PPP2R2B: variants seen among roughly 807,000 people sequenced by gnomAD.
The protein encoded by PPP2R2B is protein phosphatase 2 regulatory subunit Bbeta.
PPP2R2B carries 5 observed loss-of-function variants against 46.0 expected under a neutral mutation model. The ratio of observed to expected loss-of-function variants is 0.11; its 90% CI spans 0.06 to 0.23. PPP2R2B has a LOEUF of 0.23. PPP2R2B is among the 10% of genes least tolerant of loss of function. The pLI, the probability that PPP2R2B is intolerant of heterozygous loss-of-function variation, is 1.00. For missense variants in PPP2R2B, 367 were observed against 575.0 expected, an observed-to-expected ratio of 0.64 and a Z score of 3.70; for synonymous variants, 215 against 206.7, an observed-to-expected ratio of 1.04 and a Z score of -0.34.
intron 4 of PPP2R2B, among the ~76,000 whole-genome samples, chr5:146,695,895 C>T (rs114618606): frequency 1.1e-3 from 171 of 152,178 alleles, no homozygotes; most frequent in African/African-American, 4.1e-3. Flanking sequence ...AAGAAAATTA[C>T]ATAAGAACAT....
chr5:146,738,411 A>T (rs1410766248), intron 2 of PPP2R2B, among the ~76,000 whole-genome samples: 1 of 151,968 alleles, frequency 6.6e-6, no homozygotes, highest in East Asian at 1.9e-4. Flanking sequence ...AAAAAAAAAA[A>T]AAAAAATCTT....
chr5:146,635,921 C>T (rs1000983303), intron 7 of PPP2R2B, among the ~76,000 whole-genome samples: 5 of 152,224 alleles, frequency 3.3e-5, no homozygotes, highest in African/African-American at 7.2e-5. Context: ...ATTCATATCA[C>T]GTCCATGTAT....
intron 2 of PPP2R2B, among the ~76,000 whole-genome samples, chr5:146,863,167 A>G (rs1761110528): frequency 6.6e-6 from 1 of 152,168 alleles, no homozygotes; most frequent in African/African-American, 2.4e-5. Context: ...AACTGCACCC[A>G]AAACTTTCCC....
At chr5:146,609,315 C>T (rs1316212890) in intron 7 of PPP2R2B, among the ~76,000 whole-genome samples, 2 of 152,204 alleles carry the variant, frequency 1.3e-5, no homozygotes, top group Non-Finnish European at 2.9e-5. Context: ...CCCACTGTCA[C>T]CACTGTTGCT....
At chr5:147,077,719 C>T (rs1757832082) in intron 2 of PPP2R2B, among the ~76,000 whole-genome samples, 1 of 152,036 alleles carries the variant, frequency 6.6e-6, no homozygotes, top group South Asian at 2.1e-4. Context: ...TGTTTGTGAC[C>T]AACCTAATTC....
chr5:146,989,524 A>G (rs1753590500), intron 1 of PPP2R2B, among the ~76,000 whole-genome samples: 1 of 152,122 alleles, frequency 6.6e-6, no homozygotes, highest in African/African-American at 2.4e-5. Context: ...TAGATGCTGA[A>G]AAAGCCTTCA....
At chr5:146,698,314 AAAAATAT>A (rs1368844270) in intron 3 of PPP2R2B, among the ~76,000 whole-genome samples, 170 bp from the exon 4 acceptor site, 8 of 88,774 alleles carry the variant, frequency 9.0e-5, no homozygotes, top group African/African-American at 3.7e-4. Context: ...AAAAAAAAAA[AAAAATAT>A]ATATATATAT....
chr5:146,979,758 A>G (rs1266314138), intron 1 of PPP2R2B, among the ~76,000 whole-genome samples: 2 of 152,208 alleles, frequency 1.3e-5, no homozygotes. Context: ...AGGCATAGTC[A>G]GAGATTAACA....
At chr5:146,757,589 A>G (rs1166846138) in intron 2 of PPP2R2B, among the ~76,000 whole-genome samples, 1 of 152,192 alleles carries the variant, frequency 6.6e-6, no homozygotes, top group African/African-American at 2.4e-5. Context: ...AGATGGCCTC[A>G]CTAGTTGCTA....
chr5:146,877,652 C>T (rs977192024), intron 2 of PPP2R2B, among the ~76,000 whole-genome samples: 2 of 152,066 alleles, frequency 1.3e-5, no homozygotes, highest in African/African-American at 4.8e-5. Context: ...CTACTGGGCC[C>T]CTCCCTTCTT....
intron 7 of PPP2R2B, among the ~76,000 whole-genome samples, chr5:146,632,338 C>G (rs1417998732): frequency 1.3e-5 from 2 of 152,180 alleles, no homozygotes; most frequent in Non-Finnish European, 2.9e-5. Context: ...GAAACCAACC[C>G]TGCCAACACT....
intron 2 of PPP2R2B, among the ~76,000 whole-genome samples, chr5:146,718,987 G>T (rs1287228186): frequency 6.6e-6 from 1 of 152,142 alleles, no homozygotes; most frequent in Non-Finnish European, 1.5e-5. Flanking sequence ...CTACTTAGAG[G>T]CAACAACCAC....
chr5:146,951,174 T>C (rs1764640803), intron 1 of PPP2R2B, among the ~76,000 whole-genome samples: 1 of 151,886 alleles, frequency 6.6e-6, no homozygotes, highest in South Asian at 2.1e-4. Flanking sequence ...GAATCTCTTT[T>C]TTGTTTGTTT....
chr5:146,987,673 C>A (rs1487649977), intron 1 of PPP2R2B, among the ~76,000 whole-genome samples: 1 of 151,396 alleles, frequency 6.6e-6, no homozygotes, highest in Non-Finnish European at 1.5e-5. Flanking sequence ...TACTACCAGA[C>A]AAAATAAACC....
chr5:147,004,177 T>A (rs1754320254), intron 1 of PPP2R2B, among the ~76,000 whole-genome samples: 1 of 152,080 alleles, frequency 6.6e-6, no homozygotes, highest in South Asian at 2.1e-4. Flanking sequence ...TTGTTACCAG[T>A]GTGGTTTGCA....
chr5:147,051,309 G>A (rs1458534481), intron 1 of PPP2R2B, among the ~76,000 whole-genome samples: 1 of 152,126 alleles, frequency 6.6e-6, no homozygotes, highest in East Asian at 1.9e-4. Flanking sequence ...GGAGACAATG[G>A]CGTTTAATAA....
At chr5:146,720,664 A>G (rs904614294) in intron 2 of PPP2R2B, among the ~76,000 whole-genome samples, 2 of 152,188 alleles carry the variant, frequency 1.3e-5, no homozygotes, top group African/African-American at 4.8e-5. Context: ...ATATTTACTA[A>G]GGACTTACAG....
intron 1 of PPP2R2B, among the ~76,000 whole-genome samples, chr5:146,947,896 T>C (rs1047172015): frequency 6.6e-6 from 1 of 151,308 alleles, no homozygotes; most frequent in African/African-American, 2.4e-5. Flanking sequence ...CAAGGCGAAA[T>C]CCCACTAATC....
chr5:146,676,521 T>C (rs1053845053), intron 5 of PPP2R2B, among the ~76,000 whole-genome samples: 16 of 152,124 alleles, frequency 1.1e-4, no homozygotes, highest in Non-Finnish European at 1.9e-4. Context: ...CTGCTCCTCT[T>C]CTTACTTTCC....
Sources: allele counts gnomAD v4.1 joint callset (sites outside exome capture counted in the v4.1 genomes callset), GRCh38; gene constraint gnomAD v4.1.1; transcripts MANE v1.5; gene names NCBI Gene and HGNC (gene_info 2026-07-23, HGNC 2026-07-21).